The following ACACA variants were observed in gnomAD, a reference collection of about 807,000 sequenced individuals.
ACACA encodes the protein acetyl-CoA carboxylase alpha, also known as acetyl-CoA carboxylase 1.
In ACACA, 103 loss-of-function variants were observed where a neutral mutation model predicts 296.1. That is an observed-to-expected ratio of 0.35 (90% CI 0.30 to 0.41). ACACA has a LOEUF of 0.41. Among genes scored for constraint, ACACA ranks in the 10% least tolerant of loss-of-function variants. The pLI is 1.00. For missense variants in ACACA, 1,554 were observed against 2,989.7 expected, an observed-to-expected ratio of 0.52 and a Z score of 11.20; for synonymous variants, 953 against 1,038.6, an observed-to-expected ratio of 0.92 and a Z score of 1.58.
At chr17:37,104,004 C>T (rs1488459825) in intron 52 of ACACA, among the ~76,000 whole-genome samples, 1 of 152,230 alleles carries the variant, frequency 6.6e-6, no homozygotes, top group Non-Finnish European at 1.5e-5. Context: ...GATTGTGCTG[C>T]TGCACTCCAG....
intron 52 of ACACA, among the ~76,000 whole-genome samples, chr17:37,105,836 C>A (rs1322729839): frequency 6.7e-6 from 1 of 148,988 alleles, no homozygotes; most frequent in South Asian, 2.1e-4. Flanking sequence ...TGCACTCCAG[C>A]CTGGGCAACA....
At chr17:37,288,025 A>G (rs2082870173) in intron 3 of ACACA, among the ~76,000 whole-genome samples, 1 of 152,208 alleles carries the variant, frequency 6.6e-6, no homozygotes, top group Non-Finnish European at 1.5e-5. Flanking sequence ...CACAAGGAGA[A>G]TGATTTGTCT....
At chr17:37,188,708 T>C (rs755623697) in intron 38 of ACACA, among the ~76,000 whole-genome samples, 5 of 152,176 alleles carry the variant, frequency 3.3e-5, no homozygotes, top group African/African-American at 4.8e-5. Context: ...TTTCTCTCGA[T>C]AATAACACCC....
At chr17:37,241,177 A>G (rs2080379465) in intron 23 of ACACA, among the ~76,000 whole-genome samples, 1 of 152,092 alleles carries the variant, frequency 6.6e-6, no homozygotes, top group Non-Finnish European at 1.5e-5. Flanking sequence ...CCTGGATGAC[A>G]GTGTGAGACC....
At chr17:37,369,289 G>T (rs2049717084) in intron 1 of ACACA, 1 of 152,162 alleles carries the variant, frequency 6.6e-6, no homozygotes, top group Non-Finnish European at 1.5e-5. Context: ...GAGGCCAGGA[G>T]TTCGCGACCA....
At chr17:37,137,762 C>T (rs1232269830) in intron 45 of ACACA, among the ~76,000 whole-genome samples, 2 of 152,126 alleles carry the variant, frequency 1.3e-5, no homozygotes, top group East Asian at 3.8e-4. Flanking sequence ...TTTACATGGG[C>T]TAAAATTAAA....
intron 16 of ACACA, among the ~76,000 whole-genome samples, chr17:37,251,447 A>T (rs2068507227): frequency 6.6e-6 from 1 of 152,362 alleles, no homozygotes; most frequent in Middle Eastern, 3.4e-3. Flanking sequence ...AGGAAATAAA[A>T]GTGCCTGTGA....
At chr17:37,337,214 A>G (rs1277341005) in intron 2 of ACACA, among the ~76,000 whole-genome samples, 1 of 152,008 alleles carries the variant, frequency 6.6e-6, no homozygotes, top group Non-Finnish European at 1.5e-5. Flanking sequence ...GAAAACCTAT[A>G]CCAGCCTGGG....
chr17:37,267,855 G>T (rs1332181215), intron 10 of ACACA, among the ~76,000 whole-genome samples: 1 of 151,664 alleles, frequency 6.6e-6, no homozygotes. Context: ...CTGTCTCCTG[G>T]GTTCAAGTGA....
At chr17:37,331,835 C>T (rs1013739658) in intron 2 of ACACA, among the ~76,000 whole-genome samples, 2 of 151,998 alleles carry the variant, frequency 1.3e-5, no homozygotes, top group Non-Finnish European at 2.9e-5. Context: ...AGCCACTGTG[C>T]CTGGCCTATG....
intron 55 of ACACA, among the ~76,000 whole-genome samples, chr17:37,088,726 G>A (rs1036842556): frequency 1.3e-5 from 2 of 152,192 alleles, no homozygotes; most frequent in African/African-American, 4.8e-5. Flanking sequence ...TCATCTAGCT[G>A]AGATTACTAA....
intron 24 of ACACA, among the ~76,000 whole-genome samples, chr17:37,238,759 A>G (rs1317727036): frequency 6.6e-6 from 1 of 152,174 alleles, no homozygotes; most frequent in South Asian, 2.1e-4. Context: ...TTTCCTCAAA[A>G]GAGGCTTGCA....
chr17:37,243,182 C>G (rs1192701860), intron 22 of ACACA, among the ~76,000 whole-genome samples, 189 bp downstream of exon 22: 1 of 152,180 alleles, frequency 6.6e-6, no homozygotes, highest in Non-Finnish European at 1.5e-5. Context: ...ACTACAGATA[C>G]TTATCCTTCA....
chr17:37,306,485 C>T (rs2146953308), intron 3 of ACACA, among the ~76,000 whole-genome samples: 2 of 152,152 alleles, frequency 1.3e-5, no homozygotes, highest in South Asian at 4.1e-4. Context: ...TAACCAATCA[C>T]CTCATTAAGA....
chr17:37,201,780 C>T (rs886699297), intron 33 of ACACA, among the ~76,000 whole-genome samples: 1 of 152,068 alleles, frequency 6.6e-6, no homozygotes, highest in African/African-American at 2.4e-5. Flanking sequence ...TGTTTATAGG[C>T]CAGTTCTTAA....
chr17:37,281,883 A>G (rs1157890403), intron 5 of ACACA, among the ~76,000 whole-genome samples: 2 of 152,190 alleles, frequency 1.3e-5, no homozygotes, highest in Admixed American at 6.5e-5. Context: ...AAAGAAAAAA[A>G]CCACGCAAGT....
chr17:37,206,937 T>C, intron 31 of ACACA, 58 bp from the exon 32 acceptor site: 1 of 1,382,964 alleles, frequency 7.2e-7, no homozygotes. Flanking sequence ...AAACTAACAC[T>C]GCCATTGGCA....
At position 37,227,838 on chromosome 17, in the gene ACACA, C is replaced by G. The variant is rs371808633; in HGVS notation, c.3247-1386G>C. Among the ~76,000 whole-genome samples the G allele has an allele frequency of 1.4e-4, 18 of 129,954 alleles. No homozygotes were observed. In the East Asian group the frequency reaches 2.0e-3, roughly 14 times the overall value. 85.3% of individuals were successfully genotyped at this position (129,954 alleles called of 152,430 possible). On this transcript the variant is annotated intron_variant, in intron 25 of 55. Coordinates refer to ENST00000616317, the MANE Select transcript of ACACA (RefSeq NM_198834.3). The stretch of plus-strand genomic sequence containing the variant: ...TCGTGCCACTGCACTCCAGCCTGGG[C>G]AACAGAGCGAGACTCTGTCTCAAAA...
chr17:37,169,464 G>C (rs186535673), intron 41 of ACACA, among the ~76,000 whole-genome samples: 2 of 152,252 alleles, frequency 1.3e-5, no homozygotes, highest in East Asian at 1.9e-4. Context: ...CAGGAGAAAT[G>C]GTTCAAAATA....
Sources: allele counts gnomAD v4.1 joint callset (sites outside exome capture counted in the v4.1 genomes callset), GRCh38; gene constraint gnomAD v4.1.1; transcripts MANE v1.5; gene names NCBI Gene and HGNC (gene_info 2026-07-23, HGNC 2026-07-21).